SGCD: variants seen among roughly 807,000 people sequenced by gnomAD.
SGCD encodes sarcoglycan delta, also known as delta-sarcoglycan.
A neutral mutation model predicts 36.6 loss-of-function variants in SGCD; 18 were observed. That is an observed-to-expected ratio of 0.49 (90% CI 0.34 to 0.73). The LOEUF (loss-of-function observed/expected upper bound fraction) is 0.73, where lower values mean the gene tolerates loss of function less well. Ranked by LOEUF, SGCD falls within the 30% of genes least tolerant of loss-of-function variation. The pLI is 0.01. For missense variants in SGCD, 387 were observed against 346.7 expected, an observed-to-expected ratio of 1.12 and a Z score of -0.92; for synonymous variants, 133 against 130.6, an observed-to-expected ratio of 1.02 and a Z score of -0.12.
At chr5:156,058,465 C>A (rs1049334651) in intron 1 of SGCD, among the ~76,000 whole-genome samples, 1 of 145,720 alleles carries the variant, frequency 6.9e-6, no homozygotes, top group Non-Finnish European at 1.5e-5. Context: ...TTTAGTGGGT[C>A]TGGGGATGGG....
intron 2 of SGCD, among the ~76,000 whole-genome samples, chr5:156,341,611 T>C (rs551165883): frequency 4.6e-5 from 7 of 152,356 alleles, no homozygotes; most frequent in South Asian, 2.1e-4. Context: ...CTGTCTACTC[T>C]TAGAATTATC....
chr5:156,133,715 A>G (rs1361085814), intron 3 of SGCD, among the ~76,000 whole-genome samples: 3 of 152,064 alleles, frequency 2.0e-5, no homozygotes, highest in Non-Finnish European at 4.4e-5. Context: ...TCTAATTCAA[A>G]TAGTTACTGT....
chr5:156,417,315 T>A (rs1172427579), intron 3 of SGCD, among the ~76,000 whole-genome samples: 1 of 152,144 alleles, frequency 6.6e-6, no homozygotes, highest in East Asian at 1.9e-4. Flanking sequence ...GTTGCATACC[T>A]CTCTAGTCAT....
rs543411961 is a variant in SGCD at position 156,718,496 on chromosome 5, T to A, written c.576-39085T>A. ...TTTTTTATCTTAAATATAGGGATAA[T>A]AGGCCAGGCTCAGTGGCTCACACCT... On this transcript the variant is annotated intron_variant, in intron 7 of 8. Coordinates refer to ENST00000337851, the MANE Select transcript of SGCD (RefSeq NM_000337.6). 1.7e-4 allele frequency among the ~76,000 whole-genome samples: 26 copies of A among 152,166 alleles called. No individual in the cohort carries two copies. The South Asian group carries it at 5.4e-3, about 32-fold the overall frequency.
At chr5:155,752,210 A>AT in the SGCD span, among the ~76,000 whole-genome samples, 8 of 152,292 alleles carry the variant, frequency 5.3e-5, no homozygotes. Flanking sequence ...TCCATATGGC[A>AT]TGCTGCTAGA....
At position 156,423,330 on chromosome 5, in the gene SGCD, TTATAA is replaced by T. The variant is rs1205416828; in HGVS notation, c.192+78663_192+78667del. Among the ~76,000 whole-genome samples the T allele has an allele frequency of 1.6e-4, 7 of 42,772 alleles. 1 individual carries two copies. Among genetic ancestry groups the T allele is most frequent in the East Asian group, 6.9e-4 (1 of 1,440 alleles). The allele number at this position is 42,772 out of a possible 152,430, so 28.1% of individuals were successfully genotyped here. A position where few individuals can be genotyped will look rare whatever the true frequency, so the allele number is the denominator to read the frequency against. ...TTTTATTATAATATAATATATTTTA[TTATAA>T]TATAATATATTATAATTTTATTATA... On this transcript the variant is annotated intron_variant, in intron 3 of 8. Coordinates refer to ENST00000337851, the MANE Select transcript of SGCD (RefSeq NM_000337.6).
chr5:156,510,837 T>C (rs1756894533), intron 4 of SGCD, among the ~76,000 whole-genome samples: 1 of 152,186 alleles, frequency 6.6e-6, no homozygotes, highest in Non-Finnish European at 1.5e-5. Flanking sequence ...ATAAGTTTCC[T>C]TGGTATAGAA....
chr5:156,393,823 C>T (rs1200145597), intron 3 of SGCD: 4 of 456,188 alleles, frequency 8.8e-6, no homozygotes, highest in Non-Finnish European at 1.8e-5. Context: ...GAGCCAGAAC[C>T]AGGAGCCAGG....
intron 3 of SGCD, among the ~76,000 whole-genome samples, chr5:156,216,058 T>A (rs1209678141): frequency 6.6e-6 from 1 of 152,190 alleles, no homozygotes; most frequent in Non-Finnish European, 1.5e-5. Context: ...GGACATTATG[T>A]AAAGTGCAGT....
At chr5:156,693,160 C>T (rs1295816264) in intron 7 of SGCD, among the ~76,000 whole-genome samples, 1 of 152,182 alleles carries the variant, frequency 6.6e-6, no homozygotes, top group East Asian at 1.9e-4. Flanking sequence ...GAACTTATAA[C>T]TTTCTGATGT....
At position 156,034,521 on chromosome 5, in the gene SGCD, C is replaced by A. The variant is rs543150479; in HGVS notation, c.-281-83357C>A. 5.6e-4 allele frequency among the ~76,000 whole-genome samples: 86 copies of A among 152,300 alleles called. 1 individual carries two copies. The highest frequency in any genetic ancestry group is 2.0e-3 in the African/African-American group (83 of 41,566). On this transcript the variant is annotated intron_variant, in intron 1 of 9. Coordinates refer to the SGCD transcript ENST00000517913. ...TCATCTGTAAAAGAGGGCTAACCAT[C>A]CGTAGTTCATATAACTCTGTACTTC...
chr5:156,580,344 A>G lies in SGCD; in HGVS notation c.295-8887A>G, dbSNP rs375779679. Among the ~76,000 whole-genome samples the G allele has an allele frequency of 4.2e-4, 64 of 152,266 alleles. 1 individual carries two copies. Among genetic ancestry groups the G allele is most frequent in the African/African-American group, 1.4e-3 (60 of 41,552 alleles). The stretch of plus-strand genomic sequence containing the variant: ...CAACCGTTCTCTTTGGCTGCCTTTA[A>G]CATTTTTCCTTCATTTCAACCTTGG... On this transcript the variant is annotated intron_variant, in intron 4 of 8. Coordinates refer to ENST00000337851, the MANE Select transcript of SGCD (RefSeq NM_000337.6).
intron 1 of SGCD, among the ~76,000 whole-genome samples, chr5:156,100,198 G>A (rs1408456102): frequency 6.6e-6 from 1 of 151,886 alleles, no homozygotes; most frequent in Non-Finnish European, 1.5e-5. Context: ...TTAAATGGTG[G>A]TATGTGTTAG....
chr5:156,469,683 C>T (rs954394280), intron 3 of SGCD, among the ~76,000 whole-genome samples: 1 of 152,202 alleles, frequency 6.6e-6, no homozygotes, highest in Non-Finnish European at 1.5e-5. Context: ...GTCCTCACTA[C>T]AACCCCAGGG....
intron 3 of SGCD, among the ~76,000 whole-genome samples, chr5:156,171,461 G>A (rs917053631): frequency 2.0e-5 from 3 of 152,092 alleles, no homozygotes; most frequent in Non-Finnish European, 2.9e-5. Context: ...TTTAAGACCT[G>A]GGTTATACTA....
intron 1 of SGCD, among the ~76,000 whole-genome samples, chr5:155,882,795 T>C (rs1755917601): frequency 6.6e-6 from 1 of 152,220 alleles, no homozygotes; most frequent in African/African-American, 2.4e-5. Context: ...CAGTGACCAT[T>C]GGCTTCAACT....
chr5:155,891,104 TA>T (rs1208569160), intron 1 of SGCD, among the ~76,000 whole-genome samples: 1 of 152,178 alleles, frequency 6.6e-6, no homozygotes, highest in Non-Finnish European at 1.5e-5. Context: ...GAAAGGACAG[TA>T]TGTGGAGCAT....
intron 6 of SGCD, among the ~76,000 whole-genome samples, chr5:156,600,049 C>T (rs1761127397): frequency 1.3e-5 from 2 of 152,064 alleles, no homozygotes; most frequent in African/African-American, 2.4e-5. Flanking sequence ...TCAATTGACA[C>T]ATTACAGGCA....
chr5:155,784,107 G>A, the SGCD span, among the ~76,000 whole-genome samples: 1 of 152,154 alleles, frequency 6.6e-6, no homozygotes, highest in Non-Finnish European at 1.5e-5. Flanking sequence ...TAAAGATGAG[G>A]CCATATGCCA....
Sources: gnomAD v4.1 joint callset for allele counts (sites outside exome capture counted in the v4.1 genomes callset) on GRCh38, gnomAD v4.1.1 for gene constraint, MANE v1.5 for transcripts, NCBI Gene and HGNC (gene_info 2026-07-23, HGNC 2026-07-21) for gene names.